Variants in PPFIBP1 observed in about 807,000 individuals in gnomAD.
PPFIBP1 encodes the protein PPFIB scaffold protein 1.
Under a neutral mutation model 137.8 loss-of-function variants are expected in PPFIBP1, and 112 were observed. The observed-to-expected ratio is 0.81, with a 90% CI of 0.70 to 0.95. The LOEUF (loss-of-function observed/expected upper bound fraction) is 0.95, where lower values mean the gene tolerates loss of function less well. Among genes scored for constraint, PPFIBP1 ranks in the 40% least tolerant of loss-of-function variants. The pLI is 0.00. For synonymous variants in PPFIBP1, 378 were observed against 417.3 expected, an observed-to-expected ratio of 0.91 and a Z score of 1.15; for missense variants, 1,083 against 1,196.6, an observed-to-expected ratio of 0.91 and a Z score of 1.40.
chr12:27,606,483 TTTTC>T (rs1337888646), intron 2 of PPFIBP1, among the ~76,000 whole-genome samples: 4 of 152,226 alleles, frequency 2.6e-5, no homozygotes, highest in African/African-American at 9.6e-5. Context: ...TATTTTGATG[TTTTC>T]TTTTTTTCCA....
At chr12:27,538,005 A>G (rs1442845387) in intron 1 of PPFIBP1, 1 of 152,102 alleles carries the variant, frequency 6.6e-6, no homozygotes, top group Non-Finnish European at 1.5e-5. Flanking sequence ...TGCTTTTTTT[A>G]GGAGAAATAT....
intron 1 of PPFIBP1, among the ~76,000 whole-genome samples, chr12:27,561,731 C>T (rs575964383): frequency 1.2e-3 from 181 of 152,246 alleles, no homozygotes; most frequent in South Asian, 2.5e-3. Context: ...TCCTCTGCCT[C>T]TGCACATTTG....
At chr12:27,524,534 G>T (rs1015213986) in intron 1 of PPFIBP1, among the ~76,000 whole-genome samples, 169 bp downstream of exon 1, 2 of 151,444 alleles carry the variant, frequency 1.3e-5, no homozygotes, top group Middle Eastern at 3.4e-3. Flanking sequence ...GGGTGGAGGG[G>T]TAGGGCTTAA....
intron 13 of PPFIBP1, among the ~76,000 whole-genome samples, chr12:27,671,096 A>T (rs980988680): frequency 6.6e-6 from 1 of 152,000 alleles, no homozygotes; most frequent in African/African-American, 2.4e-5. Context: ...TGAGCCGAGG[A>T]GTTCAAGACC....
intron 7 of PPFIBP1, 149 bp from the exon 8 acceptor site, chr12:27,654,573 G>A: frequency 1.0e-6 from 1 of 977,570 alleles, no homozygotes; most frequent in Non-Finnish European, 1.4e-6. Flanking sequence ...TCTTAAGGAG[G>A]TACATTTATT....
At chr12:27,644,666 A>G (rs2058351114) in intron 4 of PPFIBP1, among the ~76,000 whole-genome samples, 1 of 152,168 alleles carries the variant, frequency 6.6e-6, no homozygotes, top group Admixed American at 6.5e-5. Context: ...AGGCCACTCC[A>G]TCACACTCTT....
intron 1 of PPFIBP1, among the ~76,000 whole-genome samples, chr12:27,562,231 G>A (rs1290671457): frequency 1.3e-5 from 2 of 152,046 alleles, no homozygotes; most frequent in Non-Finnish European, 2.9e-5. Context: ...GCAACTAGAT[G>A]AGTGTCTGGC....
chr12:27,537,377 G>A (rs775823695), intron 1 of PPFIBP1, among the ~76,000 whole-genome samples: 14 of 152,090 alleles, frequency 9.2e-5, no homozygotes, highest in Non-Finnish European at 1.5e-4. Context: ...GTGATCCGCC[G>A]GCCTCGGCCT....
intron 15 of PPFIBP1, 66 bp from the exon 16 acceptor site, chr12:27,673,701 A>G: frequency 1.5e-6 from 2 of 1,365,950 alleles, no homozygotes; most frequent in Non-Finnish European, 2.1e-6. Flanking sequence ...TCTTTCCAAG[A>G]TGTTTTACTT....
intron 5 of PPFIBP1, among the ~76,000 whole-genome samples, chr12:27,647,223 A>G (rs2058570551): frequency 6.6e-6 from 1 of 150,944 alleles, no homozygotes; most frequent in African/African-American, 2.4e-5. Context: ...CTGGTCTTGA[A>G]CTCCTGACTT....
Position 27,692,864 on chromosome 12 carries a change from T to C in PPFIBP1, c.3000T>C (p.Asp1000=). 6.2e-7 allele frequency: 1 copy of C among 1,614,132 alleles called. No individual in the cohort carries two copies. Among genetic ancestry groups the C allele is most frequent in the Middle Eastern group, 1.6e-4 (1 of 6,062 alleles). The change falls in exon 30 of 30, where the codon GAT becomes GAC. Residue 1000 remains aspartate, a synonymous_variant. Transcript: ENST00000228425. ...AARSPSASIT[D]EDSNV ...GTTCCCCCAGTGCCAGCATTACAGATGAAGACTCAAACGTTTGACCGTAGC... is the reference window on the plus strand; with the variant it reads ...GTTCCCCCAGTGCCAGCATTACAGACGAAGACTCAAACGTTTGACCGTAGC...
chr12:27,679,423 A>G, intron 19 of PPFIBP1, 66 bp from the exon 20 acceptor site: 1 of 1,464,406 alleles, frequency 6.8e-7, no homozygotes, highest in Non-Finnish European at 9.3e-7. Flanking sequence ...TCTAGAACCA[A>G]GAAGATTAAC....
chr12:27,679,041 A>G (rs188813173), intron 19 of PPFIBP1, among the ~76,000 whole-genome samples: 41 of 152,194 alleles, frequency 2.7e-4, no homozygotes, highest in African/African-American at 9.4e-4. Context: ...CATTTAGAAT[A>G]TAATCTTAAA....
chr12:27,656,445 CT>C (rs2059206115), intron 8 of PPFIBP1, among the ~76,000 whole-genome samples, 170 bp from the exon 9 acceptor site: 1 of 152,184 alleles, frequency 6.6e-6, no homozygotes, highest in Non-Finnish European at 1.5e-5. Flanking sequence ...TACTAATAGT[CT>C]TGCTTTTTGC....
chr12:27,604,199 T>C (rs935351269), intron 2 of PPFIBP1, among the ~76,000 whole-genome samples: 26 of 152,162 alleles, frequency 1.7e-4, no homozygotes, highest in African/African-American at 6.3e-4. Context: ...CTAACCCAGT[T>C]GGAGAAAATG....
chr12:27,577,556 A>C (rs2050677479), intron 1 of PPFIBP1, among the ~76,000 whole-genome samples: 1 of 152,202 alleles, frequency 6.6e-6, no homozygotes, highest in East Asian at 1.9e-4. Context: ...TTTAGTACCA[A>C]AATATATTTT....
chr12:27,537,712 G>A (rs1273889058), intron 1 of PPFIBP1, among the ~76,000 whole-genome samples: 1 of 151,996 alleles, frequency 6.6e-6, no homozygotes, highest in African/African-American at 2.4e-5. Flanking sequence ...TCTGGCCACT[G>A]TGGGCTCTTG....
chr12:27,681,459 T>A, intron 21 of PPFIBP1, 87 bp from the exon 22 acceptor site: 1 of 1,422,392 alleles, frequency 7.0e-7, no homozygotes, highest in South Asian at 1.3e-5. Context: ...TTTCCATGTC[T>A]ATTGAATGTA....
chr12:27,690,862 C>G (rs144818471), intron 27 of PPFIBP1, among the ~76,000 whole-genome samples: 89 of 151,888 alleles, frequency 5.9e-4, no homozygotes, highest in African/African-American at 2.1e-3. Flanking sequence ...TCCTAGTTTA[C>G]CTGGATTTAT....
Sources: allele counts gnomAD v4.1 joint callset (sites outside exome capture counted in the v4.1 genomes callset), GRCh38; gene constraint gnomAD v4.1.1; transcripts MANE v1.5; gene names NCBI Gene and HGNC (gene_info 2026-07-23, HGNC 2026-07-21).